FAM135B: variants seen among roughly 807,000 people sequenced by gnomAD.
The protein encoded by FAM135B is family with sequence similarity 135 member B, also known as protein FAM135B.
A neutral mutation model predicts 127.7 loss-of-function variants in FAM135B; 43 were observed. The ratio of observed to expected loss-of-function variants is 0.34; its 90% confidence interval spans 0.26 to 0.43. The LOEUF (loss-of-function observed/expected upper bound fraction) is 0.43, where lower values mean the gene tolerates loss of function less well. Ranked by LOEUF, FAM135B falls within the 20% of genes least tolerant of loss-of-function variation. The pLI is 1.00. For missense variants in FAM135B, 1,558 were observed against 1,725.6 expected (o/e 0.90, Z 1.72); for synonymous variants, 670 against 665.1 (o/e 1.01, Z -0.11).
chr8:138,284,687 C>T (rs916643275), intron 3 of FAM135B, among the ~76,000 whole-genome samples: 1 of 151,870 alleles, frequency 6.6e-6, no homozygotes, highest in African/African-American at 2.4e-5. Flanking sequence ...CTTCAACTCG[C>T]CCCTCACCTC....
At chr8:138,217,603 T>C (rs960037064) in intron 7 of FAM135B, among the ~76,000 whole-genome samples, 2 of 152,024 alleles carry the variant, frequency 1.3e-5, no homozygotes, top group African/African-American at 4.8e-5. Flanking sequence ...GCTAATTTTT[T>C]TGTATTTTTA....
intron 2 of FAM135B, among the ~76,000 whole-genome samples, chr8:138,343,921 G>T (rs987057065): frequency 3.3e-5 from 5 of 152,120 alleles, no homozygotes; most frequent in African/African-American, 1.2e-4. Context: ...TCTTTCCATG[G>T]CCCTTCCAGA....
intron 2 of FAM135B, among the ~76,000 whole-genome samples, chr8:138,320,916 G>A (rs1721062108): frequency 6.6e-6 from 1 of 152,252 alleles, no homozygotes; most frequent in African/African-American, 2.4e-5. Context: ...TTCTATAATG[G>A]GAATACAGAA....
rs1445381607 is a variant in FAM135B, at chr8:138,177,338, G to C, written c.1103+9C>G. ...TTAGGGATGAAGTGGGCATGCAATG[G>C]ATACTTACAGATTCTCCTGAAATGT... On this transcript the variant is annotated intron_variant, in intron 11 of 19. Coordinates refer to ENST00000395297, the MANE Select transcript of FAM135B (RefSeq NM_015912.4). 1 of 1,612,680 alleles carries C rather than the reference G, an allele frequency of 6.2e-7. No individual in the cohort carries two copies. The highest frequency in any genetic ancestry group is 8.5e-7 in the Non-Finnish European group (1 of 1,179,124).
intron 1 of FAM135B, among the ~76,000 whole-genome samples, chr8:138,373,068 A>T (rs886161560): frequency 6.6e-6 from 1 of 152,188 alleles, no homozygotes; most frequent in African/African-American, 2.4e-5. Context: ...TGAGGAAAAA[A>T]AGAGGCAGAG....
chr8:138,469,821 C>T (rs543338961), intron 1 of FAM135B, among the ~76,000 whole-genome samples: 3 of 152,152 alleles, frequency 2.0e-5, no homozygotes, highest in African/African-American at 7.2e-5. Flanking sequence ...ATTTACAGTC[C>T]CCAACACAGA....
In FAM135B at chr8:138,131,363, G is replaced by A. The variant is rs1180112678; in HGVS notation, c.*1230C>T. ...AGCCCATACAACATACTCAGTCTTT[G>A]AGACCTGACTATTAAACATCCTGGT... On this transcript the variant is annotated 3_prime_UTR_variant, in exon 20 of 20. Coordinates refer to ENST00000395297, the MANE Select transcript of FAM135B (RefSeq NM_015912.4). The A allele has an allele frequency of 6.6e-6, 1 of 152,284 alleles. No individual in the cohort carries two copies. Among genetic ancestry groups the A allele is most frequent in the Non-Finnish European group, 1.5e-5 (1 of 68,058 alleles). The allele number at this position is 152,284 out of a possible 1,614,324, so 9.4% of individuals were successfully genotyped here.
intron 8 of FAM135B, among the ~76,000 whole-genome samples, chr8:138,196,450 C>G (rs1352826523): frequency 1.3e-5 from 2 of 152,220 alleles, no homozygotes; most frequent in Admixed American, 6.5e-5. Context: ...TACTCCTTTA[C>G]TCTACATACC....
intron 12 of FAM135B, among the ~76,000 whole-genome samples, chr8:138,160,371 TTTTATTTATTTATTTA>T (rs533597452): frequency 6.6e-6 from 1 of 151,538 alleles, no homozygotes; most frequent in Non-Finnish European, 1.5e-5. Context: ...TGGTGTCTGG[TTTTATTTATTTATTTA>T]TTTATTTATT....
intron 1 of FAM135B, among the ~76,000 whole-genome samples, chr8:138,474,924 T>C (rs1035243413): frequency 5.3e-5 from 8 of 152,162 alleles, no homozygotes; most frequent in African/African-American, 1.9e-4. Flanking sequence ...CACATACTAC[T>C]AATCCTTAAC....
chr8:138,134,911 T>C (rs1816506549), intron 19 of FAM135B, among the ~76,000 whole-genome samples: 1 of 152,188 alleles, frequency 6.6e-6, no homozygotes, highest in African/African-American at 2.4e-5. Context: ...TCCCTTTTCC[T>C]TAAATGGCCA....
intron 3 of FAM135B, among the ~76,000 whole-genome samples, chr8:138,275,758 T>C (rs1225574401): frequency 6.6e-6 from 1 of 152,140 alleles, no homozygotes; most frequent in Non-Finnish European, 1.5e-5. Flanking sequence ...TCCTGGCGCT[T>C]AGAATGAAAT....
chr8:138,225,072 C>T (rs1434457208), intron 7 of FAM135B, among the ~76,000 whole-genome samples: 1 of 152,058 alleles, frequency 6.6e-6, no homozygotes, highest in Non-Finnish European at 1.5e-5. Flanking sequence ...AAAATTGCTA[C>T]AAAATAGATT....
At chr8:138,456,553 C>T (rs1027254155) in intron 1 of FAM135B, among the ~76,000 whole-genome samples, 10 of 152,132 alleles carry the variant, frequency 6.6e-5, no homozygotes, top group African/African-American at 2.2e-4. Flanking sequence ...TCCCTGCCCA[C>T]AAGGTCATGA....
At chr8:138,469,413 T>C (rs1394933389) in intron 1 of FAM135B, among the ~76,000 whole-genome samples, 1 of 152,108 alleles carries the variant, frequency 6.6e-6, no homozygotes, top group East Asian at 1.9e-4. Flanking sequence ...CCTAGGTGCC[T>C]TAGGTGACAA....
chr8:138,473,424 C>T (rs796581384), intron 1 of FAM135B, among the ~76,000 whole-genome samples: 1 of 152,156 alleles, frequency 6.6e-6, no homozygotes, highest in African/African-American at 2.4e-5. Context: ...GTCCCTGCTG[C>T]TTCTCCAATC....
At chr8:138,282,497 A>G (rs796923575) in intron 3 of FAM135B, among the ~76,000 whole-genome samples, 3 of 152,328 alleles carry the variant, frequency 2.0e-5, no homozygotes, top group African/African-American at 7.2e-5. Flanking sequence ...AAAACAAACA[A>G]CCCAATTAAA....
At chr8:138,376,106 C>T (rs193193113) in intron 1 of FAM135B, among the ~76,000 whole-genome samples, 8 of 152,008 alleles carry the variant, frequency 5.3e-5, no homozygotes, top group Admixed American at 2.6e-4. Context: ...TGATTCCTGG[C>T]TAATTTTTAT....
chr8:138,423,842 G>A (rs888855352), intron 1 of FAM135B, among the ~76,000 whole-genome samples: 2 of 152,144 alleles, frequency 1.3e-5, no homozygotes, highest in Admixed American at 1.3e-4. Context: ...GACCATAAAA[G>A]ACGGCTGCAC....
Sources: gnomAD v4.1 joint callset for allele counts (sites outside exome capture counted in the v4.1 genomes callset) on GRCh38, gnomAD v4.1.1 for gene constraint, MANE v1.5 for transcripts, NCBI Gene and HGNC (gene_info 2026-07-23, HGNC 2026-07-21) for gene names.